BCL9: variants seen among roughly 807,000 people sequenced by gnomAD.
BCL9 encodes B-cell CLL/lymphoma 9 protein.
A neutral mutation model predicts 88.5 loss-of-function variants in BCL9; 25 were observed. The observed-to-expected ratio is 0.28, with a 90% CI of 0.21 to 0.39. The LOEUF (loss-of-function observed/expected upper bound fraction) is 0.39. Among genes scored for constraint, BCL9 ranks in the 10% least tolerant of loss-of-function variants. The pLI, the probability that BCL9 is intolerant of heterozygous loss-of-function variation, is 1.00. For missense variants in BCL9, 1,817 were observed against 1,877.8 expected, an observed-to-expected ratio of 0.97 and a Z score of 0.60; for synonymous variants, 711 against 673.3, an observed-to-expected ratio of 1.06 and a Z score of -0.87.
At chr1:147,614,651 G>A in intron 6 of BCL9, 35 bp downstream of exon 6, 1 of 1,554,514 alleles carries the variant, frequency 6.4e-7, no homozygotes, top group Non-Finnish European at 8.8e-7. Context: ...GTTGGGCAGG[G>A]CTTGTCTGGG....
At chr1:147,614,289 A>G (rs1367895949) in intron 5 of BCL9, 138 bp from the exon 6 acceptor site, 7 of 782,694 alleles carry the variant, frequency 8.9e-6, no homozygotes, top group Non-Finnish European at 1.2e-5. Flanking sequence ...TTGAAATTTT[A>G]TAAGTAGAAG....
intron 3 of BCL9, among the ~76,000 whole-genome samples, chr1:147,608,265 C>T (rs190381164): frequency 1.3e-5 from 2 of 149,404 alleles, no homozygotes; most frequent in Admixed American, 1.3e-4. Context: ...CCCTGTGTCT[C>T]GTCAACTCTG....
chr1:147,619,627 T>C lies in BCL9; in HGVS notation c.1472T>C (p.Val491Ala). 6.2e-7 allele frequency: 1 copy of C among 1,613,986 alleles called. No homozygotes were observed. The highest frequency in any genetic ancestry group is 8.5e-7 in the Non-Finnish European group (1 of 1,179,994). ...AAGAGGAGGAAGCAGGAACAAGTGG[T>C]TGTCCAGCAGTGTTCCCTCCAGGAC... ...EEKRRKQEQV[V>A]VQQCSLQDMM... is the part of the protein sequence containing the mutation. The change falls in exon 8 of 10, where the codon GTT becomes GCT. Residue 491 changes from valine (V) to alanine (A), a missense_variant. By Grantham distance (64) the Val-to-Ala change is moderately conservative. Transcript: ENST00000234739. This position sits in a 1 kb window ranked among gnomAD's most constrained non-coding sequence, Gnocchi z 4.1.
intron 1 of BCL9, among the ~76,000 whole-genome samples, chr1:147,597,939 T>C (rs1418543508): frequency 6.6e-6 from 1 of 152,238 alleles, no homozygotes; most frequent in Non-Finnish European, 1.5e-5. Flanking sequence ...GGCTAAGACT[T>C]TCTTTTAACA....
intron 3 of BCL9, among the ~76,000 whole-genome samples, chr1:147,607,960 G>A (rs1332957658): frequency 2.6e-5 from 4 of 152,174 alleles, no homozygotes; most frequent in Non-Finnish European, 4.4e-5. Context: ...ATGACTCAGA[G>A]TAGAGTCCAG....
chr1:147,601,508 T>C (rs1304285243), intron 1 of BCL9, among the ~76,000 whole-genome samples: 1 of 152,196 alleles, frequency 6.6e-6, no homozygotes, highest in Non-Finnish European at 1.5e-5. Flanking sequence ...GAATTAGAAC[T>C]AACAGACAGT....
chr1:147,587,095 C>T (rs78082897), intron 1 of BCL9, among the ~76,000 whole-genome samples: 2,933 of 151,976 alleles, frequency 0.019, 47 homozygotes, highest in Non-Finnish European at 0.028. Flanking sequence ...CCTAAACTTA[C>T]CCTGCTAGAC....
At chr1:147,595,801 A>G (rs1416143719) in intron 1 of BCL9, among the ~76,000 whole-genome samples, 3 of 152,194 alleles carry the variant, frequency 2.0e-5, no homozygotes, top group Admixed American at 2.0e-4. Context: ...TTGGAGATAA[A>G]TGGTTAAAGC....
In BCL9 at chr1:147,624,440, A is replaced by G. The variant is rs1658826438; in HGVS notation, c.3762A>G (p.Arg1254=). 1.2e-6 allele frequency: 2 copies of G among 1,614,034 alleles called. No individual in the cohort carries two copies. The highest frequency in any genetic ancestry group is 2.7e-5 in the African/African-American group (2 of 74,904). The change falls in exon 10 of 10, where the codon CGA becomes CGG. Residue 1254 remains arginine (R), a synonymous_variant. Coordinates refer to ENST00000234739, the MANE Select transcript of BCL9 (RefSeq NM_004326.4). The surrounding 1 kb of genome is among the most constrained non-coding windows in gnomAD (Gnocchi z 4.4). ...KPSQTLQYFP[R]GEVPGRKQPQ... ...GCCAGACGCTGCAATATTTCCCTCG[A>G]GGGGAAGTTCCAGGCCGTAAACAGC...
Position 147,620,538 on chromosome 1 carries a change from A to G in BCL9, c.2383A>G (p.Ser795Gly). 1 of 1,613,856 alleles carries G rather than the reference A, an allele frequency of 6.2e-7. No individual in the cohort carries two copies. The highest frequency in any genetic ancestry group is 1.3e-5 in the African/African-American group (1 of 75,042). ...LPMSQGPGSN[S>G]GLRNLREPIG... The stretch of plus-strand genomic sequence containing the variant: ...CATGTCTCAGGGTCCAGGCAGCAAC[A>G]GTGGCTTGCGGAATCTCAGAGAACC... The change falls in exon 8 of 10, where the codon AGT becomes GGT. Residue 795 changes from serine (S) to glycine (G), a missense_variant. By Grantham distance (56) the Ser-to-Gly change is moderately conservative. Transcript: ENST00000234739.
Position 147,620,690 on chromosome 1 carries a change from C to T in BCL9, c.2535C>T (p.Pro845=), listed in dbSNP as rs781792448. Residue 845 remains proline, a synonymous_variant, in exon 8 of 10, where the codon CCC becomes CCT. Coordinates refer to ENST00000234739, the MANE Select transcript of BCL9 (RefSeq NM_004326.4). ...TTCAGCGCGGCCTGGGGCGGAAGCC[C>T]TTGGATATATCTGTGGCAGGCAGCC... ...PPVQRGLGRK[P]LDISVAGSQV... is the part of the protein sequence containing the mutation. 6 of 1,614,214 alleles carry T rather than the reference C, an allele frequency of 3.7e-6. No homozygotes were observed. The East Asian group carries it at 6.7e-5, about 18-fold the overall frequency.
chr1:147,625,900 AG>A lies in BCL9; in HGVS notation c.*943del, dbSNP rs1331436267. On this transcript the variant is annotated 3_prime_UTR_variant, in exon 10 of 10. Coordinates refer to ENST00000234739, the MANE Select transcript of BCL9 (RefSeq NM_004326.4). ...GCGTCCTCTTGGCTCTGAGAGGGAA[AG>A]GTCTGTCCTTGGGATGCTCTCTGGT... The A allele has an allele frequency of 2.1e-5, 5 of 232,966 alleles. No homozygotes were observed. The East Asian group carries it at 3.0e-4, about 14-fold the overall frequency. The allele number at this position is 232,966 out of a possible 1,614,324, so 14.4% of individuals were successfully genotyped here.
chr1:147,599,759 C>T (rs1021193645), intron 1 of BCL9, among the ~76,000 whole-genome samples: 2 of 151,698 alleles, frequency 1.3e-5, no homozygotes, highest in Admixed American at 6.6e-5. Flanking sequence ...GGTGGGCGGG[C>T]CCGTAGTAAA....
chr1:147,581,229 T>C (rs1553198613), intron 1 of BCL9, among the ~76,000 whole-genome samples: 1 of 152,176 alleles, frequency 6.6e-6, no homozygotes, highest in East Asian at 1.9e-4. Context: ...TAGAATTAAA[T>C]GAAGCAACAG....
At chr1:147,567,524 T>C (rs1302677333) in intron 1 of BCL9, among the ~76,000 whole-genome samples, 1 of 152,220 alleles carries the variant, frequency 6.6e-6, no homozygotes, top group Non-Finnish European at 1.5e-5. Flanking sequence ...CCCAGTCATT[T>C]ATTTTTAAGT....
In BCL9 at chr1:147,611,860, G is replaced by A. The variant is rs1553202638; in HGVS notation, c.24G>A (p.Val8=). Residue 8 remains valine (V), a synonymous_variant, in exon 4 of 10, where the codon GTG becomes GTA. Coordinates refer to ENST00000234739, the MANE Select transcript of BCL9 (RefSeq NM_004326.4). MHSSNPK[V]RSSPSGNTQS... ...CAATGCATTCCAGTAACCCTAAAGT[G>A]AGGAGCTCTCCATCAGGAAACACAC... 8 of 1,614,178 alleles carry A rather than the reference G, an allele frequency of 5.0e-6. No homozygotes were observed. The highest frequency in any genetic ancestry group is 5.9e-6 in the Non-Finnish European group (7 of 1,180,018).
At chr1:147,618,184 A>G (rs1658386876) in intron 7 of BCL9, among the ~76,000 whole-genome samples, 2 of 152,170 alleles carry the variant, frequency 1.3e-5, no homozygotes, top group African/African-American at 2.4e-5. Flanking sequence ...TCAAATGTGG[A>G]ATCAGTGATC....
chr1:147,611,711 C>T lies in BCL9; in HGVS notation c.-126C>T, dbSNP rs1442466515. On this transcript the variant is annotated 5_prime_UTR_variant, in exon 4 of 10. Transcript: ENST00000234739. ...AGGAAAAAGGCATACAGGCAGCGAG[C>T]GCTAAGGGACGCACCCAGCAAGCAG... 1.4e-5 allele frequency: 12 copies of T among 850,716 alleles called. No homozygotes were observed. Among genetic ancestry groups the T allele is most frequent in the East Asian group, 9.8e-5 (4 of 40,774 alleles). The allele number at this position is 850,716 out of a possible 1,614,324, so 52.7% of individuals were successfully genotyped here. A position where few individuals can be genotyped will look rare whatever the true frequency, so the allele number is the denominator to read the frequency against.
chr1:147,563,766 G>A (rs995794337), intron 1 of BCL9, among the ~76,000 whole-genome samples: 2 of 152,200 alleles, frequency 1.3e-5, no homozygotes, highest in East Asian at 1.9e-4. Context: ...TATAGAGTCA[G>A]CAGCACTTTA....
Sources: allele counts gnomAD v4.1 joint callset (sites outside exome capture counted in the v4.1 genomes callset), GRCh38; gene constraint gnomAD v4.1.1; non-coding constraint Gnocchi (gnomAD v3.1); transcripts MANE v1.5; gene names NCBI Gene and HGNC (gene_info 2026-07-23, HGNC 2026-07-21).